Variants in B3GALT1 observed in about 807,000 individuals in gnomAD.
B3GALT1 encodes the protein UDP-Gal:betaGlcNAc beta 1,3-galactosyltransferase, polypeptide 1.
B3GALT1 carries 10 observed loss-of-function variants against 23.2 expected under a neutral mutation model. The observed-to-expected ratio is 0.43, with a 90% CI of 0.27 to 0.73. The LOEUF (loss-of-function observed/expected upper bound fraction) is 0.73. Ranked by LOEUF, B3GALT1 falls within the 30% of genes least tolerant of loss-of-function variation. The pLI is 0.21. For synonymous variants in B3GALT1, 156 were observed against 141.5 expected (o/e 1.10, Z -0.73); for missense variants, 299 against 405.4 (o/e 0.74, Z 2.25).
chr2:167,837,127 C>G (rs926961725), intron 4 of B3GALT1, among the ~76,000 whole-genome samples: 2 of 152,124 alleles, frequency 1.3e-5, no homozygotes, highest in East Asian at 3.8e-4. Context: ...AACTAAGGAG[C>G]AAAATAACCA....
intron 3 of B3GALT1, among the ~76,000 whole-genome samples, chr2:167,764,035 C>CT (rs1280434387): frequency 6.6e-6 from 1 of 152,144 alleles, no homozygotes; most frequent in African/African-American, 2.4e-5. Context: ...TTTTTAAGTG[C>CT]TATAGGAAGT....
intron 2 of B3GALT1, among the ~76,000 whole-genome samples, chr2:167,585,947 A>G (rs1419047252): frequency 1.3e-5 from 2 of 152,248 alleles, no homozygotes; most frequent in East Asian, 1.9e-4. Flanking sequence ...ATGGAACTCA[A>G]ACAAAACTGA....
chr2:167,649,436 G>A (rs1441246613), intron 3 of B3GALT1, among the ~76,000 whole-genome samples: 3 of 152,012 alleles, frequency 2.0e-5, no homozygotes, highest in Non-Finnish European at 4.4e-5. Flanking sequence ...AGGAAACCCA[G>A]TATCCATTAA....
chr2:167,458,717 G>C (rs149330640), intron 1 of B3GALT1, among the ~76,000 whole-genome samples: 4 of 152,088 alleles, frequency 2.6e-5, no homozygotes, highest in Non-Finnish European at 5.9e-5. Context: ...TTGATTTGTG[G>C]CATCTTTTCA....
intron 3 of B3GALT1, among the ~76,000 whole-genome samples, chr2:167,709,994 T>A (rs1266312366): frequency 6.6e-6 from 1 of 152,148 alleles, no homozygotes; most frequent in African/African-American, 2.4e-5. Flanking sequence ...TAAGTACAGA[T>A]AATATGTTTT....
chr2:167,593,149 C>T (rs1023347068), intron 2 of B3GALT1, among the ~76,000 whole-genome samples: 1 of 152,098 alleles, frequency 6.6e-6, no homozygotes, highest in Non-Finnish European at 1.5e-5. Context: ...ACAAAGATAG[C>T]TGTGCAAGAA....
intron 2 of B3GALT1, among the ~76,000 whole-genome samples, chr2:167,557,261 T>G (rs1683870760): frequency 6.6e-6 from 1 of 152,180 alleles, no homozygotes; most frequent in African/African-American, 2.4e-5. Flanking sequence ...TTTTATGAAT[T>G]ATAAACACTG....
rs113332768 is a variant in B3GALT1 at position 167,485,087 on chromosome 2, A to G, written c.-510-5090A>G. On this transcript the variant is annotated intron_variant, in intron 1 of 4. Coordinates refer to ENST00000392690, the MANE Select transcript of B3GALT1 (RefSeq NM_020981.4). ...GCATGTCCAACCCCCACTTCCCATC[A>G]TGGCCTGAACAAGTTTTTCAGGTTT... 4.0e-3 allele frequency among the ~76,000 whole-genome samples: 606 copies of G among 152,208 alleles called. 4 individuals are homozygous for G. Among genetic ancestry groups the G allele is most frequent in the African/African-American group, 0.014 (561 of 41,550 alleles).
At chr2:167,811,311 T>G (rs771613108) in intron 3 of B3GALT1, among the ~76,000 whole-genome samples, 1 of 152,254 alleles carries the variant, frequency 6.6e-6, no homozygotes, top group Non-Finnish European at 1.5e-5. Context: ...CTCTTTCTAC[T>G]CATGGCATTT....
chr2:167,403,763 G>A (rs1160673412), intron 1 of B3GALT1, among the ~76,000 whole-genome samples: 1 of 152,060 alleles, frequency 6.6e-6, no homozygotes, highest in Non-Finnish European at 1.5e-5. Flanking sequence ...GAAAGAACCT[G>A]AAATAAGGTT....
rs1377780588 is a variant in B3GALT1, at chr2:167,368,043, A to G, written c.-511+74709A>G. The stretch of plus-strand genomic sequence containing the variant: ...GTGAATGCTCCTTCCTTTAGCAGCC[A>G]GGCTAAAAAGCAAGAGGACCAAATA... On this transcript the variant is annotated intron_variant, in intron 1 of 4. Coordinates refer to ENST00000392690, the MANE Select transcript of B3GALT1 (RefSeq NM_020981.4). Among the ~76,000 whole-genome samples, 6 of 152,360 alleles carry G rather than the reference A, an allele frequency of 3.9e-5. No homozygotes were observed. The East Asian group carries it at 1.2e-3, about 29-fold the overall frequency.
intron 3 of B3GALT1, among the ~76,000 whole-genome samples, chr2:167,682,495 CCT>C (rs1686549533): frequency 1.3e-5 from 2 of 152,186 alleles, no homozygotes; most frequent in African/African-American, 4.8e-5. Context: ...CTATTATCCC[CCT>C]CTCTTGCTTA....
chr2:167,626,954 A>T (rs187325627), intron 2 of B3GALT1, among the ~76,000 whole-genome samples: 1 of 151,838 alleles, frequency 6.6e-6, no homozygotes, highest in East Asian at 1.9e-4. Context: ...AACACAAAGC[A>T]ATTATCACAG....
intron 2 of B3GALT1, among the ~76,000 whole-genome samples, chr2:167,512,606 A>ATGTGTATATATATG: frequency 1.0e-5 from 1 of 95,294 alleles, no homozygotes; most frequent in African/African-American, 7.2e-5. Context: ...ATATATATAT[A>ATGTGTATATATATG]TGTATATATA....
At chr2:167,738,319 A>T (rs545284124) in intron 3 of B3GALT1, among the ~76,000 whole-genome samples, 1 of 152,330 alleles carries the variant, frequency 6.6e-6, no homozygotes, top group African/African-American at 2.4e-5. Flanking sequence ...GTTAAATGTC[A>T]TTGTGCATCT....
At chr2:167,496,495 A>G (rs567271236) in intron 2 of B3GALT1, among the ~76,000 whole-genome samples, 1 of 152,182 alleles carries the variant, frequency 6.6e-6, no homozygotes, top group Non-Finnish European at 1.5e-5. Context: ...TTGGCAGTGA[A>G]AAGAGAAAGA....
At chr2:167,425,315 T>C (rs1247053913) in intron 1 of B3GALT1, among the ~76,000 whole-genome samples, 2 of 152,208 alleles carry the variant, frequency 1.3e-5, no homozygotes, top group Non-Finnish European at 2.9e-5. Context: ...ATTTTGTGTG[T>C]GACTCATACT....
At chr2:167,413,844 T>C (rs1242716676) in intron 1 of B3GALT1, among the ~76,000 whole-genome samples, 3 of 152,054 alleles carry the variant, frequency 2.0e-5, no homozygotes, top group Admixed American at 6.6e-5. Context: ...GTGATTAATT[T>C]TTTCTTTCTT....
intron 2 of B3GALT1, among the ~76,000 whole-genome samples, chr2:167,542,831 AC>A (rs1465813683): frequency 2.0e-5 from 3 of 151,778 alleles, no homozygotes; most frequent in Admixed American, 2.0e-4. Context: ...AAGGGAAAGA[AC>A]TCAGGTAGAT....
Sources: allele counts gnomAD v4.1 joint callset (sites outside exome capture counted in the v4.1 genomes callset), GRCh38; gene constraint gnomAD v4.1.1; transcripts MANE v1.5; gene names NCBI Gene and HGNC (gene_info 2026-07-23, HGNC 2026-07-21).